ZNF440: variants seen among roughly 807,000 people sequenced by gnomAD.
ZNF440 encodes the protein zinc finger protein 440.
Under a neutral mutation model 49.7 loss-of-function variants are expected in ZNF440, and 47 were observed. The observed-to-expected ratio is 0.95, with a 90% CI of 0.75 to 1.21. The LOEUF (loss-of-function observed/expected upper bound fraction) is 1.21. ZNF440 is among the 50% of genes most tolerant of loss of function. The probability of loss-of-function intolerance (pLI) is 0.00; values close to 1 mark genes in which losing one functional copy is unlikely to be tolerated. For missense variants in ZNF440, 703 were observed against 715.0 expected (o/e 0.98, Z 0.19); for synonymous variants, 255 against 237.7 (o/e 1.07, Z -0.67).
At chr19:11,827,039 A>G (rs1975875321) in intron 1 of ZNF440, among the ~76,000 whole-genome samples, 1 of 149,094 alleles carries the variant, frequency 6.7e-6, no homozygotes, top group Admixed American at 6.7e-5. Flanking sequence ...TACATTCTTT[A>G]GCGGGAGGTA....
chr19:11,825,791 C>CTTTT (rs112631754), intron 1 of ZNF440, among the ~76,000 whole-genome samples: 13,347 of 117,266 alleles, frequency 0.11, 1,872 homozygotes, highest in African/African-American at 0.32. Context: ...CACTGATTTT[C>CTTTT]TTTTTTTTTT....
intron 1 of ZNF440, among the ~76,000 whole-genome samples, chr19:11,819,387 TTTTG>T (rs35985379): frequency 2.3e-3 from 355 of 151,814 alleles, no homozygotes; most frequent in African/African-American, 7.8e-3. Context: ...ATTACTTGTG[TTTTG>T]TTTGTTTGTT....
At chr19:11,820,362 A>G (rs286255) in intron 1 of ZNF440, among the ~76,000 whole-genome samples, 57,509 of 151,826 alleles carry the variant, frequency 0.38, 11,285 homozygotes, top group African/African-American at 0.46. Flanking sequence ...GATTACAGGC[A>G]CCTGCCACCA....
chr19:11,832,493 T>A lies in ZNF440; in HGVS notation c.1317T>A (p.Leu439=), dbSNP rs369810559. 2.8e-4 allele frequency: 455 copies of A among 1,613,350 alleles called. No homozygotes were observed. Among genetic ancestry groups the A allele is most frequent in the South Asian group, 4.7e-4 (43 of 91,042 alleles). The change falls in exon 4 of 4, where the codon CTT becomes CTA. Residue 439 remains leucine (L), a synonymous_variant. Coordinates refer to ENST00000304060, the MANE Select transcript of ZNF440 (RefSeq NM_152357.3). ...AAGCCTTCAGATATGTGAATAACCT[T>A]CAAAGTCATGAAAGGACACAAACAC... ...CGKAFRYVNN[L]QSHERTQTHI... is the part of the protein sequence containing the mutation.
intron 1 of ZNF440, among the ~76,000 whole-genome samples, chr19:11,821,092 A>G (rs1353509443): frequency 6.6e-6 from 1 of 152,142 alleles, no homozygotes; most frequent in Admixed American, 6.6e-5. Context: ...AGATTTTATC[A>G]GATTGTCTTT....
At chr19:11,829,264 G>A (rs908952749) in intron 1 of ZNF440, among the ~76,000 whole-genome samples, 3 of 151,442 alleles carry the variant, frequency 2.0e-5, no homozygotes, top group Admixed American at 6.6e-5. Context: ...CAGGATAACT[G>A]CAAAGTGAAT....
intron 1 of ZNF440, among the ~76,000 whole-genome samples, chr19:11,823,749 G>A (rs1568240487): frequency 1.3e-5 from 2 of 152,078 alleles, no homozygotes; most frequent in South Asian, 2.1e-4. Flanking sequence ...GATCACCTGA[G>A]GTCAGGAGTT....
chr19:11,832,896 A>G lies in ZNF440; in HGVS notation c.1720A>G (p.Arg574Gly). 6.2e-7 allele frequency: 1 copy of G among 1,612,904 alleles called. No homozygotes were observed. The highest frequency in any genetic ancestry group is 1.1e-5 in the South Asian group (1 of 90,958). ...HTMERSPMHVRNVGNPSDLPR... is the reference protein window; with the variant it reads ...HTMERSPMHVGNVGNPSDLPR... ...AATGGAGAGAAGCCCTATGCATGTA[A>G]GGAATGTGGGAAACCCTTCGGATCT... Residue 574 changes from arginine to glycine, a missense_variant, in exon 4 of 4, where the codon AGG becomes GGG. Arg to Gly is a moderately radical substitution (Grantham distance 125). Coordinates refer to ENST00000304060, the MANE Select transcript of ZNF440 (RefSeq NM_152357.3).
At chr19:11,830,523 G>A (rs1008922327) in intron 2 of ZNF440, 94 bp from the exon 3 acceptor site, 16 of 1,600,126 alleles carry the variant, frequency 1.0e-5, no homozygotes, top group Admixed American at 3.5e-5. Context: ...GAATAAATGA[G>A]GTATGGCTGC....
intron 1 of ZNF440, among the ~76,000 whole-genome samples, chr19:11,826,662 C>CTT (rs112043377): frequency 4.2e-5 from 6 of 142,292 alleles, no homozygotes; most frequent in Admixed American, 1.4e-4. Flanking sequence ...ATTTTTTTTC[C>CTT]TTTTTTTTTT....
At position 11,832,260 on chromosome 19, in the gene ZNF440, C is replaced by A; in HGVS notation, c.1084C>A (p.His362Asn). ...TTCATTTCAAAGACATGAAAAAATT[C>A]ACAGTGGAGAGAAACCCTATAAATG... is the stretch of plus-strand genomic sequence containing the variant. ...VNSFQRHEKI[H>N]SGEKPYKCKQ... The change falls in exon 4 of 4, where the codon CAC becomes AAC. Residue 362 changes from histidine (H) to asparagine (N), a missense_variant. Coordinates refer to ENST00000304060, the MANE Select transcript of ZNF440 (RefSeq NM_152357.3). 1.9e-6 allele frequency: 3 copies of A among 1,614,040 alleles called. No individual in the cohort carries two copies.
intron 1 of ZNF440, chr19:11,830,063 TCA>T: frequency 2.3e-6 from 2 of 886,314 alleles, no homozygotes; most frequent in Non-Finnish European, 1.6e-6. Flanking sequence ...TGAGCCGAGA[TCA>T]TGCCATTGCA....
chr19:11,827,292 G>C (rs1290418150), intron 1 of ZNF440, among the ~76,000 whole-genome samples: 6 of 151,938 alleles, frequency 3.9e-5, no homozygotes, highest in African/African-American at 1.5e-4. Context: ...TCAAACTCCT[G>C]ACCTCGGTGA....
At chr19:11,824,318 AGT>A (rs1286831446) in intron 1 of ZNF440, among the ~76,000 whole-genome samples, 9 of 152,296 alleles carry the variant, frequency 5.9e-5, no homozygotes, top group Non-Finnish European at 1.2e-4. Flanking sequence ...TTCTGTATAG[AGT>A]GTGCATTCTA....
intron 1 of ZNF440, 184 bp from the exon 2 acceptor site, chr19:11,830,099 A>G: frequency 8.7e-7 from 1 of 1,144,906 alleles, no homozygotes; most frequent in Non-Finnish European, 1.2e-6. Context: ...AACAAGAGTG[A>G]AAAAAAAAAC....
chr19:11,814,578 A>G (rs924876339), intron 1 of ZNF440, 128 bp downstream of exon 1: 4 of 1,158,854 alleles, frequency 3.5e-6, no homozygotes, highest in Non-Finnish European at 4.5e-6. Context: ...CCTCGGTCGC[A>G]GGGTGGGGCT....
At chr19:11,823,395 T>C (rs1005950139) in intron 1 of ZNF440, among the ~76,000 whole-genome samples, 1 of 152,212 alleles carries the variant, frequency 6.6e-6, no homozygotes. Flanking sequence ...TTGGCTATTC[T>C]TAGTCATTGT....
chr19:11,831,208 C>A (rs1321256984), intron 3 of ZNF440, among the ~76,000 whole-genome samples, 160 bp from the exon 4 acceptor site: 1 of 152,168 alleles, frequency 6.6e-6, no homozygotes, highest in African/African-American at 2.4e-5. Context: ...GGCTGGGTCA[C>A]CTTGTAGAAT....
In ZNF440 at chr19:11,832,639, G is replaced by A. The variant is rs761344384; in HGVS notation, c.1463G>A (p.Cys488Tyr). 3.7e-6 allele frequency: 6 copies of A among 1,613,538 alleles called. No individual in the cohort carries two copies. In the Admixed American group the frequency reaches 1.0e-4, roughly 27 times the overall value. Residue 488 changes from cysteine (C) to tyrosine (Y), a missense_variant, in exon 4 of 4, where the codon TGC becomes TAC. Physicochemically the swap from Cys to Tyr is radical, Grantham distance 194. Coordinates refer to ENST00000304060, the MANE Select transcript of ZNF440 (RefSeq NM_152357.3). Reference protein sequence around the residue: ...KTHTGEKLYECKQRSVVPSVV... With the variant: ...KTHTGEKLYEYKQRSVVPSVV... Reference sequence around the variant, plus strand: ...CACACTGGAGAGAAACTCTATGAATGCAAGCAACGTTCAGTAGTTCCTTCA... The same window carrying A: ...CACACTGGAGAGAAACTCTATGAATACAAGCAACGTTCAGTAGTTCCTTCA...
Sources: gnomAD v4.1 joint callset for allele counts (sites outside exome capture counted in the v4.1 genomes callset) on GRCh38, gnomAD v4.1.1 for gene constraint, MANE v1.5 for transcripts, NCBI Gene and HGNC (gene_info 2026-07-23, HGNC 2026-07-21) for gene names.